The following CDH13 variants were observed in gnomAD, a reference collection of about 807,000 sequenced individuals.
CDH13 encodes cadherin 13, also known as cadherin-13.
In CDH13, 24 loss-of-function variants were observed where a neutral mutation model predicts 63.8. That is an observed-to-expected ratio of 0.38 (90% CI 0.27 to 0.53). The LOEUF (loss-of-function observed/expected upper bound fraction) is 0.53, where lower values mean the gene tolerates loss of function less well. Ranked by LOEUF, CDH13 falls within the 20% of genes least tolerant of loss-of-function variation. The pLI is 0.85. For missense variants in CDH13, 1,049 were observed against 903.1 expected, an observed-to-expected ratio of 1.16 and a Z score of -2.07; for synonymous variants, 503 against 355.3, an observed-to-expected ratio of 1.42 and a Z score of -4.67.
intron 2 of CDH13, among the ~76,000 whole-genome samples, chr16:82,984,072 G>C (rs1215933383): frequency 6.6e-6 from 1 of 152,160 alleles, no homozygotes; most frequent in African/African-American, 2.4e-5. Flanking sequence ...AGTCCCAGCA[G>C]TTTTCTAAAC....
intron 7 of CDH13, among the ~76,000 whole-genome samples, chr16:83,495,460 G>A (rs935084428): frequency 6.6e-6 from 1 of 152,152 alleles, no homozygotes; most frequent in African/African-American, 2.4e-5. Flanking sequence ...GCTTCAGAGA[G>A]ACTAGATGGT....
rs535156787 is a variant in CDH13, at chr16:83,102,758, G to C, written c.367-22627G>C. Among the ~76,000 whole-genome samples the C allele has an allele frequency of 3.3e-5, 5 of 152,000 alleles. No individual in the cohort carries two copies. The East Asian group carries it at 9.7e-4, about 29-fold the overall frequency. Reference sequence around the variant, plus strand: ...AGATGATTTTGGCTTGGAGCAAGGTGGTGGGAATTGGATAAGGGTAAGAGG... The same window carrying C: ...AGATGATTTTGGCTTGGAGCAAGGTCGTGGGAATTGGATAAGGGTAAGAGG... On this transcript the variant is annotated intron_variant, in intron 3 of 13. Coordinates refer to ENST00000567109, the MANE Select transcript of CDH13 (RefSeq NM_001257.5).
intron 1 of CDH13, among the ~76,000 whole-genome samples, chr16:82,751,573 T>C (rs1446364713): frequency 6.6e-6 from 1 of 152,076 alleles, no homozygotes; most frequent in Non-Finnish European, 1.5e-5. Flanking sequence ...TGCAGAATTA[T>C]AGGACAGAGC....
chr16:83,447,029 A>AC (rs1284784563), intron 6 of CDH13, among the ~76,000 whole-genome samples: 1 of 128,742 alleles, frequency 7.8e-6, no homozygotes, highest in Non-Finnish European at 1.6e-5. Flanking sequence ...AAATAGACTT[A>AC]CCACCACCAC....
At chr16:82,967,648 G>T (rs547375888) in intron 2 of CDH13, among the ~76,000 whole-genome samples, 3 of 149,552 alleles carry the variant, frequency 2.0e-5, no homozygotes, top group African/African-American at 7.3e-5. Context: ...AAGCCAGGTC[G>T]GAGAACAGAG....
chr16:83,446,173 T>TG (rs2072682684), intron 6 of CDH13, among the ~76,000 whole-genome samples: 2 of 151,636 alleles, frequency 1.3e-5, no homozygotes, highest in African/African-American at 4.8e-5. Flanking sequence ...CATGGTGGCA[T>TG]GTGCCTGTAA....
intron 7 of CDH13, among the ~76,000 whole-genome samples, chr16:83,488,360 A>G (rs2325956): frequency 0.5 from 75,880 of 152,012 alleles, 19,751 homozygotes; most frequent in East Asian, 0.84. Flanking sequence ...TCCTAATTAT[A>G]TGTTTGTTGG....
intron 4 of CDH13, among the ~76,000 whole-genome samples, chr16:83,157,765 T>C (rs1413834370): frequency 7.1e-6 from 1 of 140,440 alleles, no homozygotes; most frequent in African/African-American, 2.7e-5. Context: ...AAAAAAAAAT[T>C]ATCTGGGCAT....
intron 4 of CDH13, among the ~76,000 whole-genome samples, chr16:83,163,975 A>G (rs937850195): frequency 2.0e-5 from 3 of 152,162 alleles, no homozygotes; most frequent in East Asian, 1.9e-4. Flanking sequence ...TGTGCTGAAC[A>G]TTAGACTAAG....
intron 7 of CDH13, among the ~76,000 whole-genome samples, chr16:83,561,913 T>C (rs540490665): frequency 9.8e-5 from 15 of 152,294 alleles, no homozygotes; most frequent in African/African-American, 3.1e-4. Flanking sequence ...GGGATTCAGA[T>C]GTCCAAAGGA....
chr16:82,631,228 G>T (rs139419280), intron 1 of CDH13, among the ~76,000 whole-genome samples: 1 of 152,166 alleles, frequency 6.6e-6, no homozygotes, highest in Non-Finnish European at 1.5e-5. Context: ...AAAGATGTTT[G>T]TAGACGGTGC....
chr16:83,617,712 T>C (rs1001560656), intron 8 of CDH13, among the ~76,000 whole-genome samples: 1 of 151,654 alleles, frequency 6.6e-6, no homozygotes, highest in African/African-American at 2.4e-5. Flanking sequence ...TCACATATTC[T>C]ATTCTAATAT....
intron 2 of CDH13, among the ~76,000 whole-genome samples, chr16:82,966,132 A>G (rs993895254): frequency 1.3e-4 from 20 of 152,068 alleles, no homozygotes; most frequent in African/African-American, 4.6e-4. Context: ...AGTAGATACT[A>G]TTTTTCCTAT....
intron 6 of CDH13, among the ~76,000 whole-genome samples, chr16:83,434,471 C>A (rs2151487249): frequency 6.6e-6 from 1 of 152,168 alleles, no homozygotes; most frequent in East Asian, 1.9e-4. Context: ...CTCTCTTCAC[C>A]CCATCTCATT....
intron 4 of CDH13, among the ~76,000 whole-genome samples, chr16:83,180,010 G>A (rs927744638): frequency 2.0e-5 from 3 of 151,954 alleles, no homozygotes; most frequent in African/African-American, 7.3e-5. Context: ...GCCACTGTTT[G>A]TAGCTTTTAG....
intron 10 of CDH13, among the ~76,000 whole-genome samples, chr16:83,698,951 C>G (rs1421549850): frequency 3.9e-5 from 6 of 152,254 alleles, no homozygotes; most frequent in Admixed American, 2.0e-4. Flanking sequence ...GGCCCATGGG[C>G]CATAGTTTGC....
chr16:82,811,752 T>G (rs976710368), intron 1 of CDH13, among the ~76,000 whole-genome samples: 1 of 152,110 alleles, frequency 6.6e-6, no homozygotes, highest in African/African-American at 2.4e-5. Context: ...AAATGGTTAG[T>G]AGATAAACTC....
chr16:83,740,666 T>C (rs1911974719), intron 10 of CDH13, among the ~76,000 whole-genome samples: 1 of 152,172 alleles, frequency 6.6e-6, no homozygotes, highest in African/African-American at 2.4e-5. Flanking sequence ...CACCAGGAGC[T>C]CTGGGATGCC....
chr16:83,299,028 A>G (rs1182054872), intron 5 of CDH13, among the ~76,000 whole-genome samples: 1 of 152,202 alleles, frequency 6.6e-6, no homozygotes, highest in Non-Finnish European at 1.5e-5. Flanking sequence ...CAATATTCCT[A>G]CCACCAAAAG....
Sources: allele counts gnomAD v4.1 joint callset (sites outside exome capture counted in the v4.1 genomes callset), GRCh38; gene constraint gnomAD v4.1.1; transcripts MANE v1.5; gene names NCBI Gene and HGNC (gene_info 2026-07-23, HGNC 2026-07-21).